The following SYNE2 variants were observed in gnomAD, a reference collection of about 807,000 sequenced individuals.
SYNE2 encodes the protein nesprin-2.
In SYNE2, 431 loss-of-function variants were observed where a neutral mutation model predicts 856.3. That is an observed-to-expected ratio of 0.50 (90% CI 0.47 to 0.55). SYNE2 has a LOEUF of 0.55. Ranked by LOEUF, SYNE2 falls within the 20% of genes least tolerant of loss-of-function variation. The pLI is 0.00. For missense variants in SYNE2, 8,129 were observed against 8,023.2 expected (o/e 1.01, Z -0.50); for synonymous variants, 2,923 against 2,872.3 (o/e 1.02, Z -0.56).
At chr14:64,156,780 A>T (rs963359399) in intron 85 of SYNE2, among the ~76,000 whole-genome samples, 2 of 152,218 alleles carry the variant, frequency 1.3e-5, no homozygotes, top group Admixed American at 1.3e-4. Context: ...TTTCTTAACT[A>T]AATAACTTGG....
intron 1 of SYNE2, among the ~76,000 whole-genome samples, chr14:63,836,902 T>C (rs1889875531): frequency 6.6e-6 from 1 of 152,224 alleles, no homozygotes; most frequent in African/African-American, 2.4e-5. Context: ...TTCTAAGTGG[T>C]GTCTGTGCTT....
At chr14:63,812,694 C>T (rs1888659459) in intron 1 of SYNE2, among the ~76,000 whole-genome samples, 1 of 152,124 alleles carries the variant, frequency 6.6e-6, no homozygotes, top group Non-Finnish European at 1.5e-5. Context: ...GAAATCTTCA[C>T]AATTTATGTT....
chr14:63,954,007 A>G (rs1431957381), intron 7 of SYNE2, among the ~76,000 whole-genome samples: 1 of 152,046 alleles, frequency 6.6e-6, no homozygotes, highest in East Asian at 1.9e-4. Context: ...TCAATCTCCC[A>G]TTGTCAAGTG....
intron 8 of SYNE2, chr14:63,960,656 C>G (rs368136539): frequency 6.1e-6 from 4 of 654,154 alleles, no homozygotes; most frequent in South Asian, 5.0e-5. Flanking sequence ...TCAAGAAACA[C>G]CTCCAAATTA....
chr14:63,876,645 G>C (rs1280549951), intron 1 of SYNE2, among the ~76,000 whole-genome samples: 1 of 151,746 alleles, frequency 6.6e-6, no homozygotes, highest in Non-Finnish European at 1.5e-5. Context: ...CCACCACCAC[G>C]CCCGGCTAAT....
Position 64,216,352 on chromosome 14 carries a change from C to A in SYNE2, c.19507C>A (p.Pro6503Thr), listed in dbSNP as rs753827351. The A allele has an allele frequency of 2.5e-6, 4 of 1,614,204 alleles. No homozygotes were observed. In the South Asian group the frequency reaches 3.3e-5, roughly 13 times the overall value. ...AGGTGACAGGAATGTTCCACCTGTTCCCCCTGCGTCCAGCACCCCTTATAA... is the reference window on the plus strand; with the variant it reads ...AGGTGACAGGAATGTTCCACCTGTTACCCCTGCGTCCAGCACCCCTTATAA... ...MEGDRNVPPV[P>T]PASSTPYKPP... is the part of the protein sequence containing the mutation. Residue 6503 changes from proline (P) to threonine (T), a missense_variant, in exon 108 of 116, where the codon CCC (proline) becomes ACC (threonine). By Grantham distance (38) the Pro-to-Thr change is conservative. This residue lies in a region of SYNE2 where 5,410 missense variants were observed against 5,284.8 expected (regional missense o/e 1.02). Transcript: ENST00000555002.
At chr14:63,852,140 A>C (rs1022052405), upstream of SYNE2, among the ~76,000 whole-genome samples, 1 of 151,896 alleles carries the variant, frequency 6.6e-6, no homozygotes, top group Non-Finnish European at 1.5e-5. Flanking sequence ...GAAAAAGTTA[A>C]ATTTGATTGT....
At chr14:64,223,085 C>T (rs1366011401) in intron 112 of SYNE2, 104 bp from the exon 113 acceptor site, 1 of 1,134,240 alleles carries the variant, frequency 8.8e-7, no homozygotes, top group Non-Finnish European at 1.3e-6. Context: ...GAGTACTACC[C>T]ATCATTCATT....
chr14:63,947,791 C>T (rs933126119), intron 6 of SYNE2, among the ~76,000 whole-genome samples: 1 of 152,002 alleles, frequency 6.6e-6, no homozygotes, highest in African/African-American at 2.4e-5. Context: ...GAGCCGAGAT[C>T]GTGCCATTGC....
chr14:64,015,121 T>C (rs1381745358), intron 32 of SYNE2, among the ~76,000 whole-genome samples: 1 of 149,162 alleles, frequency 6.7e-6, no homozygotes, highest in East Asian at 1.9e-4. Context: ...TGAATTATAT[T>C]TGCTAATATT....
At chr14:63,983,925 G>A in intron 18 of SYNE2, 39 bp downstream of exon 18, 1 of 1,384,376 alleles carries the variant, frequency 7.2e-7, no homozygotes, top group African/African-American at 1.5e-5. Context: ...CTTGCAAATA[G>A]AAATAATTTA....
At chr14:64,135,061 G>A (rs895996355) in intron 78 of SYNE2, among the ~76,000 whole-genome samples, 3 of 152,136 alleles carry the variant, frequency 2.0e-5, no homozygotes, top group Non-Finnish European at 4.4e-5. Flanking sequence ...ATCTGTCTCT[G>A]TGTCTCTAAT....
Position 64,188,673 on chromosome 14 carries a change from A to T in SYNE2, c.17836A>T (p.Ile5946Phe), listed in dbSNP as rs1481721988. The change falls in exon 98 of 116, where the codon ATT becomes TTT. Residue 5946 changes from isoleucine (I) to phenylalanine (F), a missense_variant. Ile to Phe is a conservative substitution (Grantham distance 21). Transcript: ENST00000555002. Reference protein sequence around the residue: ...MENKVLQTADISIEEMIEKLQ... With the variant: ...MENKVLQTADFSIEEMIEKLQ... ...AAACAAAGTTCTACAGACAGCGGAC[A>T]TTAGTATTGAAGAAATGATTGAAAA... 6 of 1,614,106 alleles carry T rather than the reference A, an allele frequency of 3.7e-6. No individual in the cohort carries two copies. Among genetic ancestry groups the T allele is most frequent in the Non-Finnish European group, 5.1e-6 (6 of 1,180,044 alleles).
intron 2 of SYNE2, among the ~76,000 whole-genome samples, chr14:63,910,020 A>G (rs1260058064): frequency 6.6e-6 from 1 of 152,228 alleles, no homozygotes; most frequent in Non-Finnish European, 1.5e-5. Flanking sequence ...TTGAAAATTC[A>G]CTAGCCACTA....
At chr14:64,107,423 G>T (rs1567320624) in intron 64 of SYNE2, 68 bp from the exon 65 acceptor site, 3 of 1,357,328 alleles carry the variant, frequency 2.2e-6, no homozygotes, top group Admixed American at 1.7e-5. Context: ...ATGAGCATGC[G>T]CAGAAAGAAG....
chr14:63,923,349 G>T (rs1193956019), intron 2 of SYNE2, among the ~76,000 whole-genome samples: 1 of 152,222 alleles, frequency 6.6e-6, no homozygotes, highest in African/African-American at 2.4e-5. Flanking sequence ...TGCTCATGTG[G>T]CAACACGAGG....
Position 64,155,109 on chromosome 14 carries a change from A to T in SYNE2, c.15792+2393A>T, listed in dbSNP as rs1478703115. On this transcript the variant is annotated intron_variant, in intron 85 of 115. Transcript: ENST00000555002. ...AGTTACCATGCAACTTAGCAGTTCT[A>T]CTCCTCCATAGATAGCCCAAGAGAA... Among the ~76,000 whole-genome samples the T allele has an allele frequency of 2.6e-5, 4 of 152,090 alleles. No homozygotes were observed. The South Asian group carries it at 6.2e-4, about 24-fold the overall frequency.
intron 76 of SYNE2, 49 bp from the exon 77 acceptor site, chr14:64,132,214 AAG>A (rs779299861): frequency 6.2e-7 from 1 of 1,600,620 alleles, no homozygotes; most frequent in South Asian, 1.1e-5. Context: ...CTTGGTTTTT[AAG>A]AGTTTTCACA....
chr14:64,099,316 C>A, intron 63 of SYNE2: 2 of 175,686 alleles, frequency 1.1e-5, no homozygotes, highest in Non-Finnish European at 2.4e-5. Flanking sequence ...CCATTTCATA[C>A]TTGAAAAAAT....
Sources: allele counts gnomAD v4.1 joint callset (sites outside exome capture counted in the v4.1 genomes callset), GRCh38; gene constraint gnomAD v4.1.1; regional missense constraint gnomAD v4.1.1; transcripts MANE v1.5; gene names NCBI Gene and HGNC (gene_info 2026-07-23, HGNC 2026-07-21).